Variants in STARD9 observed in about 807,000 individuals in gnomAD.
STARD9 encodes the protein StAR related lipid transfer domain containing 9, also known as stAR-related lipid transfer protein 9.
In STARD9, 346 loss-of-function variants were observed where a neutral mutation model predicts 399.8. The observed-to-expected ratio is 0.87, with a 90% confidence interval of 0.79 to 0.95. The LOEUF is 0.95. Ranked by LOEUF, STARD9 falls within the 40% of genes least tolerant of loss-of-function variation. STARD9 has a pLI of 0.00. For missense variants in STARD9, 5,832 were observed against 5,667.5 expected (o/e 1.03, Z -0.93); for synonymous variants, 2,203 against 2,143.5 (o/e 1.03, Z -0.77).
At chr15:42,637,858 A>G (rs1011096042) in intron 4 of STARD9, 49 bp from the exon 5 acceptor site, 11 of 1,529,060 alleles carry the variant, frequency 7.2e-6, no homozygotes, top group Non-Finnish European at 1.8e-6. Flanking sequence ...TGTGGGGGAG[A>G]GCATCATCTT....
chr15:42,626,497 CTTT>C (rs766581586), intron 3 of STARD9, among the ~76,000 whole-genome samples: 1 of 140,450 alleles, frequency 7.1e-6, no homozygotes, highest in African/African-American at 2.6e-5. Flanking sequence ...TCTTCCTCTT[CTTT>C]TTTTTTTTTT....
At chr15:42,594,133 G>C (rs192644848) in intron 3 of STARD9, among the ~76,000 whole-genome samples, 1 of 152,278 alleles carries the variant, frequency 6.6e-6, no homozygotes, top group East Asian at 1.9e-4. Flanking sequence ...AGATTCTTTG[G>C]TGAATATCTT....
intron 3 of STARD9, among the ~76,000 whole-genome samples, chr15:42,632,522 G>A (rs891485006): frequency 6.6e-6 from 1 of 151,834 alleles, no homozygotes; most frequent in Non-Finnish European, 1.5e-5. Flanking sequence ...TTTTCTTCCT[G>A]TCTTCCTGTT....
chr15:42,698,366 C>G (rs1390488983), intron 26 of STARD9, among the ~76,000 whole-genome samples: 1 of 152,184 alleles, frequency 6.6e-6, no homozygotes, highest in Non-Finnish European at 1.5e-5. Context: ...TGAGAGTTTA[C>G]CTTTTCCCAC....
Position 42,669,703 on chromosome 15 carries a change from T to C in STARD9, c.1497+366T>C, listed in dbSNP as rs16957011. 7.8e-3 allele frequency: 1,341 copies of C among 172,634 alleles called. 26 individuals are homozygous for C. Among genetic ancestry groups the C allele is most frequent in the African/African-American group, 0.029 (1,246 of 42,876 alleles). 10.7% of individuals were successfully genotyped at this position (172,634 alleles called of 1,614,324 possible). A position where few individuals can be genotyped will look rare whatever the true frequency, so the allele number is the denominator to read the frequency against. On this transcript the variant is annotated intron_variant, in intron 16 of 32. Coordinates refer to ENST00000290607, the MANE Select transcript of STARD9 (RefSeq NM_020759.3). The stretch of plus-strand genomic sequence containing the variant: ...GGTATAGTCATGGAGAGTGAAACCC[T>C]AACCTCAAGATAACCATTAGTGCTC...
intron 3 of STARD9, among the ~76,000 whole-genome samples, chr15:42,610,436 A>G (rs530341390): frequency 6.6e-6 from 1 of 152,230 alleles, no homozygotes; most frequent in Non-Finnish European, 1.5e-5. Flanking sequence ...AGCTGTAACA[A>G]TCAGTGTCCC....
At chr15:42,656,549 A>G (rs932530267) in intron 9 of STARD9, among the ~76,000 whole-genome samples, 2 of 152,056 alleles carry the variant, frequency 1.3e-5, no homozygotes, top group African/African-American at 4.8e-5. Context: ...TAGCAGCACA[A>G]TTCACATTTG....
At position 42,682,556 on chromosome 15, in the gene STARD9, C is replaced by G. The variant is rs1291958178; in HGVS notation, c.2518C>G (p.His840Asp). ...GAGCCCCCAAAGACTCTGCAGCAAG[C>G]ACATGCCCCAGCTACACAGGTACAG... ...SLSPQRLCSK[H>D]MPQLHSIFLS... The change falls in exon 22 of 33, where the codon CAC (histidine) becomes GAC (aspartate). Residue 840 changes from histidine (H) to aspartate (D), a missense_variant. This residue lies in a region of STARD9 where 5,828 missense variants were observed against 5,651.1 expected (regional missense o/e 1.03). Transcript: ENST00000290607. 2.0e-6 allele frequency: 3 copies of G among 1,536,106 alleles called. No individual in the cohort carries two copies. The South Asian group carries it at 3.6e-5, about 18-fold the overall frequency.
At chr15:42,586,866 CG>C (rs918477244) in intron 3 of STARD9, among the ~76,000 whole-genome samples, 10 of 149,762 alleles carry the variant, frequency 6.7e-5, no homozygotes, top group African/African-American at 1.7e-4. Context: ...GGTGGGGGGC[CG>C]GGGGGCGGAG....
At chr15:42,607,194 C>CTTTTT (rs763484090) in intron 3 of STARD9, among the ~76,000 whole-genome samples, 17,916 of 39,248 alleles carry the variant, frequency 0.46, 7,329 homozygotes, top group Non-Finnish European at 0.62. Flanking sequence ...TTTTCTGGTG[C>CTTTTT]TTTTTTTTTT....
intron 9 of STARD9, among the ~76,000 whole-genome samples, chr15:42,660,331 G>A (rs1408171306): frequency 1.3e-5 from 2 of 152,124 alleles, no homozygotes; most frequent in Admixed American, 6.6e-5. Flanking sequence ...TTGGGAGGCC[G>A]AGGCAGGCAG....
intron 3 of STARD9, among the ~76,000 whole-genome samples, chr15:42,634,433 T>G (rs1406922838): frequency 6.6e-6 from 1 of 152,230 alleles, no homozygotes; most frequent in Non-Finnish European, 1.5e-5. Flanking sequence ...CTTACTGATC[T>G]TCAGTATGGT....
chr15:42,623,097 C>CA (rs1374116108), intron 3 of STARD9, among the ~76,000 whole-genome samples: 1 of 152,130 alleles, frequency 6.6e-6, no homozygotes, highest in African/African-American at 2.4e-5. Context: ...ACTAAAAATA[C>CA]AAAAATTAGC....
At chr15:42,601,927 A>C (rs2058639021) in intron 3 of STARD9, among the ~76,000 whole-genome samples, 1 of 152,344 alleles carries the variant, frequency 6.6e-6, no homozygotes, top group Non-Finnish European at 1.5e-5. Flanking sequence ...AGTTCACTGC[A>C]ACCTCTGCCT....
chr15:42,717,943 C>T, intron 29 of STARD9, 34 bp from the exon 30 acceptor site: 3 of 1,533,882 alleles, frequency 2.0e-6, no homozygotes, highest in Non-Finnish European at 2.6e-6. Flanking sequence ...TTTTTGACCC[C>T]TTTCTATTTT....
rs1011228903 is a variant in STARD9, at chr15:42,674,365, C to T, written c.1498-75C>T. 5.1e-6 allele frequency: 6 copies of T among 1,166,400 alleles called. No individual in the cohort carries two copies. In the African/African-American group the frequency reaches 9.1e-5, roughly 18 times the overall value. 72.3% of individuals were successfully genotyped at this position (1,166,400 alleles called of 1,614,324 possible). A position where few individuals can be genotyped will look rare whatever the true frequency, so the allele number is the denominator to read the frequency against. Reference sequence around the variant, plus strand: ...AGGCTGGGAAGACAGTGAGAATATTCTAATGTGGACTCTCCTGTAGGGCAA... The same window carrying T: ...AGGCTGGGAAGACAGTGAGAATATTTTAATGTGGACTCTCCTGTAGGGCAA... On this transcript the variant is annotated intron_variant, in intron 16 of 32. Coordinates refer to ENST00000290607, the MANE Select transcript of STARD9 (RefSeq NM_020759.3).
chr15:42,598,933 T>G (rs2058569151), intron 3 of STARD9, among the ~76,000 whole-genome samples: 1 of 151,658 alleles, frequency 6.6e-6, no homozygotes, highest in African/African-American at 2.4e-5. Context: ...TGTTGTTTTG[T>G]TTTTTTTGGC....
At chr15:42,675,136 C>T (rs1341723425) in intron 18 of STARD9, among the ~76,000 whole-genome samples, 172 bp downstream of exon 18, 1 of 152,156 alleles carries the variant, frequency 6.6e-6, no homozygotes, top group Non-Finnish European at 1.5e-5. Context: ...AGCCTTAATT[C>T]CAAAGTCTTG....
chr15:42,635,930 G>A (rs1403029421), intron 4 of STARD9, among the ~76,000 whole-genome samples: 2 of 152,158 alleles, frequency 1.3e-5, no homozygotes, highest in African/African-American at 4.8e-5. Context: ...TTAATGAGAG[G>A]CTTCCTTTAT....
Sources: allele counts gnomAD v4.1 joint callset (sites outside exome capture counted in the v4.1 genomes callset), GRCh38; gene constraint gnomAD v4.1.1; regional missense constraint gnomAD v4.1.1; transcripts MANE v1.5; gene names NCBI Gene and HGNC (gene_info 2026-07-23, HGNC 2026-07-21).